ZFP64: variants seen among roughly 807,000 people sequenced by gnomAD.
ZFP64 encodes zinc finger protein 64.
ZFP64 carries 14 observed loss-of-function variants against 51.6 expected under a neutral mutation model. The ratio of observed to expected loss-of-function variants is 0.27; its 90% CI spans 0.18 to 0.42. The LOEUF (loss-of-function observed/expected upper bound fraction) is 0.42. Ranked by LOEUF, ZFP64 falls within the 10% of genes least tolerant of loss-of-function variation. The pLI is 1.00. For synonymous variants in ZFP64, 375 were observed against 361.4 expected, an observed-to-expected ratio of 1.04 and a Z score of -0.43; for missense variants, 754 against 906.8, an observed-to-expected ratio of 0.83 and a Z score of 2.16.
intron 2 of ZFP64, among the ~76,000 whole-genome samples, chr20:52,168,320 A>G (rs932484268): frequency 2.6e-5 from 4 of 152,234 alleles, no homozygotes; most frequent in Non-Finnish European, 4.4e-5. Context: ...TGATGCATGA[A>G]TCAGCTGCAC....
chr20:52,098,395 G>T, intron 6 of ZFP64: 1 of 1,608,844 alleles, frequency 6.2e-7, no homozygotes, highest in South Asian at 1.1e-5. Flanking sequence ...GCAGATCAGT[G>T]CTTGGCTCAG....
chr20:52,181,263 C>T (rs2123110632), intron 2 of ZFP64, among the ~76,000 whole-genome samples: 1 of 152,178 alleles, frequency 6.6e-6, no homozygotes, highest in Non-Finnish European at 1.5e-5. Flanking sequence ...TATTTTTATC[C>T]TCACTTTGAA....
chr20:52,087,516 C>T (rs1356443836), intron 8 of ZFP64, among the ~76,000 whole-genome samples: 1 of 152,216 alleles, frequency 6.6e-6, no homozygotes, highest in East Asian at 1.9e-4. Context: ...TACCCAAGTA[C>T]TCTTACTTCC....
chr20:52,119,089 G>A (rs1247929920), intron 5 of ZFP64, among the ~76,000 whole-genome samples: 1 of 152,140 alleles, frequency 6.6e-6, no homozygotes, highest in African/African-American at 2.4e-5. Flanking sequence ...AGGCTGCAAT[G>A]AACTATGATC....
Position 52,153,258 on chromosome 20 carries a change from C to T in ZFP64, c.934G>A (p.Gly312Arg). The T allele has an allele frequency of 6.2e-7, 1 of 1,614,216 alleles. No homozygotes were observed. Among genetic ancestry groups the T allele is most frequent in the Non-Finnish European group, 8.5e-7 (1 of 1,180,046 alleles). Residue 312 changes from glycine (G) to arginine (R), a missense_variant, in exon 6 of 6, where the codon GGG becomes AGG. Transcript: ENST00000216923. This position sits in a 1 kb window ranked among gnomAD's most constrained non-coding sequence, Gnocchi z 5.1. ...CAATGAGGACACTTGAAGTTATTCCCGCTGTGCTTGATACGGATGTGCGAC... is the reference window on the plus strand; with the variant it reads ...CAATGAGGACACTTGAAGTTATTCCTGCTGTGCTTGATACGGATGTGCGAC... ...LKSHIRIKHSGNNFKCPHCDF... is the reference protein window; with the variant it reads ...LKSHIRIKHSRNNFKCPHCDF...
In ZFP64 at chr20:52,152,913, A is replaced by C; in HGVS notation, c.1279T>G (p.Cys427Gly). 4 of 1,613,924 alleles carry C rather than the reference A, an allele frequency of 2.5e-6. No individual in the cohort carries two copies. The highest frequency in any genetic ancestry group is 3.4e-6 in the Non-Finnish European group (4 of 1,180,012). Reference sequence around the variant, plus strand: ...ATGAAGGAGGCATCGCATATATCGCAGTGGAAACTCTTCTTGGCATCCAGC... The same window carrying C: ...ATGAAGGAGGCATCGCATATATCGCCGTGGAAACTCTTCTTGGCATCCAGC... ...AKLDAKKSFHCDICDASFMRE... is the reference protein window; with the variant it reads ...AKLDAKKSFHGDICDASFMRE... Residue 427 changes from cysteine (C) to glycine (G), a missense_variant, in exon 6 of 6, where the codon TGC (cysteine) becomes GGC (glycine). Around this residue, in one of 3 missense-constraint regions of ZFP64, gnomAD observed 428 missense variants for 472.4 expected, o/e 0.91. Transcript: ENST00000216923.
At chr20:52,105,156 C>T (rs573642165) in intron 5 of ZFP64, 52 of 1,449,176 alleles carry the variant, frequency 3.6e-5, no homozygotes, top group East Asian at 1.1e-4. Context: ...ACCTGCGGGG[C>T]CACCTCCGCA....
intron 2 of ZFP64, among the ~76,000 whole-genome samples, chr20:52,179,337 C>T (rs1049986249): frequency 5.9e-5 from 9 of 152,174 alleles, no homozygotes; most frequent in African/African-American, 1.4e-4. Context: ...AGCATGAAAA[C>T]GGACTAACAC....
At chr20:52,110,668 G>A (rs1978512908) in intron 5 of ZFP64, 9 of 1,452,920 alleles carry the variant, frequency 6.2e-6, no homozygotes, top group Non-Finnish European at 8.4e-6. Flanking sequence ...CAGGCCACCT[G>A]GCATAGCTAG....
intron 2 of ZFP64, among the ~76,000 whole-genome samples, chr20:52,176,382 G>A (rs1447856188): frequency 6.6e-6 from 1 of 152,036 alleles, no homozygotes; most frequent in Non-Finnish European, 1.5e-5. Flanking sequence ...TCTCTAAAAT[G>A]TGGATTCTGA....
In ZFP64 at chr20:52,160,364, G is replaced by A; in HGVS notation, c.522C>T (p.Pro174=). ...ACTTGCCACAGACTTCACACTTATGGGGTTTGTCTCCTTCAAACACATACA... is the reference window on the plus strand; with the variant it reads ...ACTTGCCACAGACTTCACACTTATGAGGTTTGTCTCCTTCAAACACATACA... ...RHLKIHTGDK[P]HKCEVCGKCF... The change falls in exon 5 of 6, where the codon CCC becomes CCT. Residue 174 remains proline, a synonymous_variant. Transcript: ENST00000216923. The surrounding 1 kb of genome is among the most constrained non-coding windows in gnomAD (Gnocchi z 4.2). 6.2e-7 allele frequency: 1 copy of A among 1,612,450 alleles called. No homozygotes were observed. The highest frequency in any genetic ancestry group is 1.3e-5 in the African/African-American group (1 of 74,964).
At chr20:52,121,467 C>T (rs994607407) in intron 5 of ZFP64, among the ~76,000 whole-genome samples, 17 of 152,188 alleles carry the variant, frequency 1.1e-4, no homozygotes, top group African/African-American at 4.1e-4. Context: ...CCAGCTACAA[C>T]ATGCTTCTAC....
rs904873444 is a variant in ZFP64, at chr20:52,152,020, G to C, written c.*126C>G. 6.9e-7 allele frequency: 1 copy of C among 1,443,726 alleles called. No homozygotes were observed. Among genetic ancestry groups the C allele is most frequent in the Non-Finnish European group, 9.1e-7 (1 of 1,099,680 alleles). The allele number at this position is 1,443,726 out of a possible 1,614,324, so 89.4% of individuals were successfully genotyped here. ...CCACTGCACTCCAGCCTGGGAAACAGAGCGAGACTCCGTCTCAAAAACAAA... is the reference window on the plus strand; with the variant it reads ...CCACTGCACTCCAGCCTGGGAAACACAGCGAGACTCCGTCTCAAAAACAAA... On this transcript the variant is annotated 3_prime_UTR_variant, in exon 6 of 6. Transcript: ENST00000216923.
chr20:52,115,347 T>C (rs1978808485), intron 5 of ZFP64, among the ~76,000 whole-genome samples: 1 of 151,464 alleles, frequency 6.6e-6, no homozygotes. Context: ...ATATTTTCAA[T>C]GGTGAAATAT....
rs2078855692 is a variant in ZFP64 at position 52,085,569 on chromosome 20, T to A, written c.1229-303A>T. The stretch of plus-strand genomic sequence containing the variant: ...ACTATGGCACTCAAGTCCATACTCT[T>A]GATGACCCCTTCAGTTTCAAATCTA... On this transcript the variant is annotated intron_variant, in intron 8 of 8. Coordinates refer to the ZFP64 transcript ENST00000361387. The surrounding 1 kb of genome is among the most constrained non-coding windows in gnomAD (Gnocchi z 4.3). 6.6e-6 allele frequency among the ~76,000 whole-genome samples: 1 copy of A among 152,158 alleles called. No homozygotes were observed.
intron 5 of ZFP64, chr20:52,110,984 TG>T: frequency 6.7e-7 from 1 of 1,500,720 alleles, no homozygotes; most frequent in Non-Finnish European, 9.3e-7. Flanking sequence ...CTTTTGGGAA[TG>T]ACCTTGTAGA....
chr20:52,174,621 A>C (rs1476497040), intron 2 of ZFP64, among the ~76,000 whole-genome samples: 1 of 152,192 alleles, frequency 6.6e-6, no homozygotes, highest in South Asian at 2.1e-4. Context: ...TCGAAAACAC[A>C]ACCTCTAATG....
intron 2 of ZFP64, among the ~76,000 whole-genome samples, chr20:52,168,164 G>A (rs1438400344): frequency 6.6e-6 from 1 of 152,092 alleles, no homozygotes; most frequent in Non-Finnish European, 1.5e-5. Flanking sequence ...TGATACCTTG[G>A]TGCTGTCAGC....
downstream of ZFP64, among the ~76,000 whole-genome samples, chr20:52,147,560 A>G (rs1347189701): frequency 6.6e-6 from 1 of 152,218 alleles, no homozygotes; most frequent in East Asian, 1.9e-4. Flanking sequence ...TCAGATAATT[A>G]TAAATCATAT....
Sources: gnomAD v4.1 joint callset for allele counts (sites outside exome capture counted in the v4.1 genomes callset) on GRCh38, gnomAD v4.1.1 for gene constraint, gnomAD v4.1.1 regional missense constraint, Gnocchi (gnomAD v3.1) non-coding constraint, MANE v1.5 for transcripts, NCBI Gene and HGNC (gene_info 2026-07-23, HGNC 2026-07-21) for gene names.